EXOC3L4: variants seen among roughly 807,000 people sequenced by gnomAD.
EXOC3L4 encodes exocyst complex component 3-like protein 4.
A neutral mutation model predicts 69.7 loss-of-function variants in EXOC3L4; 62 were observed. That is an observed-to-expected ratio of 0.89 (90% CI 0.72 to 1.10). EXOC3L4 has a LOEUF of 1.10. EXOC3L4 is among the 50% of genes least tolerant of loss of function. The pLI, the probability that EXOC3L4 is intolerant of heterozygous loss-of-function variation, is 0.00. For synonymous variants in EXOC3L4, 502 were observed against 464.2 expected, an observed-to-expected ratio of 1.08 and a Z score of -1.05; for missense variants, 1,087 against 1,034.8, an observed-to-expected ratio of 1.05 and a Z score of -0.69.
At chr14:103,099,498 G>A (rs992858538) in intron 1 of EXOC3L4, among the ~76,000 whole-genome samples, 2 of 152,218 alleles carry the variant, frequency 1.3e-5, no homozygotes, top group African/African-American at 4.8e-5. Context: ...ACAGCATTGA[G>A]AACCCCCCCA....
rs1398373745 is a variant in EXOC3L4, at chr14:103,102,655, TC to T, written c.933del (p.Tyr312IlefsTer123). On this transcript the variant is annotated frameshift_variant, in exon 3 of 12. Coordinates refer to ENST00000688303, the MANE Select transcript of EXOC3L4 (RefSeq NM_001077594.2). LOFTEE classifies it high-confidence loss of function. ...GCGGCCGGCTTCCCAGCGTGGGAGG[TC>T]TATCTGCGTGCCTTCCACAGCGCCG... ...YAAAGFPAWEVYLRAFHSAVA... is the reference protein window; with the variant it reads ...YAAAGFPAWEXYLRAFHSAVA... The T allele has an allele frequency of 6.7e-7, 1 of 1,497,340 alleles. No individual in the cohort carries two copies. Among genetic ancestry groups the T allele is most frequent in the South Asian group, 1.3e-5 (1 of 79,336 alleles). 92.8% of individuals were successfully genotyped at this position (1,497,340 alleles called of 1,614,324 possible).
rs373962199 is a variant in EXOC3L4, at chr14:103,107,501, C to T, written c.1659C>T (p.Thr553=). The part of the protein sequence containing the change: ...WLHPLMDKVV[T]FAGHLQRVAR... The stretch of plus-strand genomic sequence containing the variant: ...ATCCCCTCATGGACAAGGTGGTGAC[C>T]TTCGCCGGTCATCTCCAGCGTGTGG... The change falls in exon 9 of 12, where the codon ACC becomes ACT. Residue 553 remains threonine (T), a synonymous_variant. Coordinates refer to ENST00000688303, the MANE Select transcript of EXOC3L4 (RefSeq NM_001077594.2). The T allele has an allele frequency of 5.0e-6, 8 of 1,613,766 alleles. No homozygotes were observed. The highest frequency in any genetic ancestry group is 6.8e-6 in the Non-Finnish European group (8 of 1,180,010).
At chr14:103,107,844 T>C (rs1890659430) in intron 10 of EXOC3L4, 61 bp downstream of exon 10, 2 of 1,457,414 alleles carry the variant, frequency 1.4e-6, no homozygotes, top group Non-Finnish European at 1.8e-6. Context: ...TGGCAGTGAC[T>C]AGGGCCTTAG....
chr14:103,102,734 C>G lies in EXOC3L4; in HGVS notation c.1011C>G (p.Leu337=), dbSNP rs1443295959. ...LARDARGCEQ[L]YILLDWAANV... ...GCGACGCCCGCGGCTGCGAGCAGCT[C>G]TATATCCTGCTGGACTGGGCCGCCA... Residue 337 remains leucine, a synonymous_variant, in exon 3 of 12, where the codon CTC becomes CTG. Coordinates refer to ENST00000688303, the MANE Select transcript of EXOC3L4 (RefSeq NM_001077594.2). 1.4e-6 allele frequency: 2 copies of G among 1,425,352 alleles called. No homozygotes were observed. Among genetic ancestry groups the G allele is most frequent in the African/African-American group, 1.5e-5 (1 of 66,952 alleles). The allele number at this position is 1,425,352 out of a possible 1,614,324, so 88.3% of individuals were successfully genotyped here. A position where few individuals can be genotyped will look rare whatever the true frequency, so the allele number is the denominator to read the frequency against.
chr14:103,106,819 G>A lies in EXOC3L4; in HGVS notation c.1501G>A (p.Glu501Lys), dbSNP rs917056606. 17 of 1,594,524 alleles carry A rather than the reference G, an allele frequency of 1.1e-5. No individual in the cohort carries two copies. Among genetic ancestry groups the A allele is most frequent in the Non-Finnish European group, 1.5e-5 (17 of 1,169,944 alleles). The change falls in exon 8 of 12, where the codon GAG (glutamate) becomes AAG (lysine). Residue 501 changes from glutamate (E) to lysine (K), a missense_variant. Glu to Lys is a moderately conservative substitution (Grantham distance 56, BLOSUM62 1). Transcript: ENST00000688303. The stretch of plus-strand genomic sequence containing the variant: ...TCTCTCCAGGTTCCCAGGAACCCAA[G>A]AGGAGCTGGAGAAGCCCCTGGTGAC... ...SLLSRFPGTQ[E>K]ELEKPLVTAT... is the part of the protein sequence containing the mutation.
chr14:103,100,290 C>T lies in EXOC3L4; in HGVS notation c.71C>T (p.Thr24Ile), dbSNP rs777582890. 1.9e-6 allele frequency: 3 copies of T among 1,580,336 alleles called. No homozygotes were observed. Among genetic ancestry groups the T allele is most frequent in the Admixed American group, 3.7e-5 (2 of 54,642 alleles). ...QSPKEAEEPQTPAQGSRRTSS... is the reference protein window; with the variant it reads ...QSPKEAEEPQIPAQGSRRTSS... ...CCCAAGGAGGCTGAGGAGCCACAGA[C>T]TCCAGCTCAGGGCTCCCGGCGAACA... Residue 24 changes from threonine (T) to isoleucine (I), a missense_variant, in exon 2 of 12, where the codon ACT becomes ATT. Transcript: ENST00000688303.
Position 103,102,549 on chromosome 14 carries a change from G to T in EXOC3L4, c.826G>T (p.Ala276Ser). ...GGAGGCGGAGGGCGCGTCGGGTTTGGCCCAGCTTCTGGCCGAGCTGGGTGG... is the reference window on the plus strand; with the variant it reads ...GGAGGCGGAGGGCGCGTCGGGTTTGTCCCAGCTTCTGGCCGAGCTGGGTGG... ...FGEAEGASGL[A>S]QLLAELGGLV... The change falls in exon 3 of 12, where the codon GCC (alanine) becomes TCC (serine). Residue 276 changes from alanine (A) to serine (S), a missense_variant. Ala to Ser is a moderately conservative substitution (Grantham distance 99, BLOSUM62 1). Transcript: ENST00000688303. 7.0e-7 allele frequency: 1 copy of T among 1,430,526 alleles called. No individual in the cohort carries two copies. Among genetic ancestry groups the T allele is most frequent in the South Asian group, 1.4e-5 (1 of 69,342 alleles). The allele number at this position is 1,430,526 out of a possible 1,614,324, so 88.6% of individuals were successfully genotyped here.
chr14:103,096,954 C>T (rs572581664), intron 1 of EXOC3L4, among the ~76,000 whole-genome samples: 1 of 152,334 alleles, frequency 6.6e-6, no homozygotes, highest in South Asian at 2.1e-4. Context: ...GGGCACAGTA[C>T]AGGCAGTCAC....
In EXOC3L4 at chr14:103,108,344, G is replaced by T. The variant is rs373450066; in HGVS notation, c.1855-52G>T. On this transcript the variant is annotated intron_variant, in intron 10 of 11. Transcript: ENST00000688303. ...TGACCTCGCGCTCTTGCAGGAGTTG[G>T]AGCAGCGGTGGGGAGAGGGCTGTTG... 13 of 1,597,496 alleles carry T rather than the reference G, an allele frequency of 8.1e-6. No individual in the cohort carries two copies. In the African/African-American group the frequency reaches 1.7e-4, roughly 21 times the overall value.
At chr14:103,106,680 C>T in intron 7 of EXOC3L4, 105 bp from the exon 8 acceptor site, 3 of 657,498 alleles carry the variant, frequency 4.6e-6, no homozygotes, top group Non-Finnish European at 5.1e-6. Flanking sequence ...GCCCCACGGG[C>T]TGCCCTTCAC....
rs139660483 is a variant in EXOC3L4, at chr14:103,101,069, AT to A, written c.394+467del. The stretch of plus-strand genomic sequence containing the variant: ...AGGTGCGTGCCAACACACCTGGTTA[AT>A]TTTTTTTTTTGCATTTTTAGTAAGA... On this transcript the variant is annotated intron_variant, in intron 2 of 11. Transcript: ENST00000688303. Among the ~76,000 whole-genome samples the A allele has an allele frequency of 2.5e-4, 37 of 147,604 alleles. 2 individuals are homozygous for A. The highest frequency in any genetic ancestry group is 3.5e-3 in the Middle Eastern group (1 of 284).
rs756324987 is a variant in EXOC3L4 at position 103,110,074 on chromosome 14, C to T, written c.2020C>T (p.Arg674Cys). Residue 674 changes from arginine (R) to cysteine (C), a missense_variant, in exon 12 of 12, where the codon CGC (arginine) becomes TGC (cysteine). Physicochemically the swap from Arg to Cys is radical, Grantham distance 180. Transcript: ENST00000688303. ...CATTCTGGCGCTGCGCCGACTGGGC[C>T]GCCAGCGGAACCAGCATCTCTTGCA... ...LAILALRRLG[R>C]QRNQHLLQHT... 4.2e-5 allele frequency: 68 copies of T among 1,601,150 alleles called. No individual in the cohort carries two copies. Among genetic ancestry groups the T allele is most frequent in the Admixed American group, 8.5e-5 (5 of 58,586 alleles).
chr14:103,104,368 G>A lies in EXOC3L4; in HGVS notation c.1263G>A (p.Pro421=). 5 of 1,583,962 alleles carry A rather than the reference G, an allele frequency of 3.2e-6. No homozygotes were observed. Among genetic ancestry groups the A allele is most frequent in the Non-Finnish European group, 8.6e-7 (1 of 1,166,578 alleles). ...TGCTGCAGGGCCTCTACCAGGCGCC[G>A]CTGTCCATGGACGTCCATATGGTGC... ...PEVLQGLYQA[P]LSMDVHMLVA... is the part of the protein sequence containing the mutation. Residue 421 remains proline (P), a synonymous_variant, in exon 5 of 12, where the codon CCG becomes CCA. Transcript: ENST00000688303.
chr14:103,106,927 C>T lies in EXOC3L4; in HGVS notation c.1581+28C>T, dbSNP rs375701935. On this transcript the variant is annotated intron_variant, in intron 8 of 11. Transcript: ENST00000688303. ...GACTGTGATAGGCCCTCTCTCCCTA[C>T]TTCCCATGCCCAGCAGGCACCCCCT... is the stretch of plus-strand genomic sequence containing the variant. The T allele has an allele frequency of 1.6e-4, 244 of 1,505,212 alleles. 2 individuals carry two copies. Among genetic ancestry groups the T allele is most frequent in the South Asian group, 4.8e-4 (39 of 81,108 alleles). The allele number at this position is 1,505,212 out of a possible 1,614,324, so 93.2% of individuals were successfully genotyped here.
intron 7 of EXOC3L4, among the ~76,000 whole-genome samples, 156 bp from the exon 8 acceptor site, chr14:103,106,629 G>A (rs904165255): frequency 3.3e-5 from 5 of 152,198 alleles, no homozygotes; most frequent in African/African-American, 1.2e-4. Flanking sequence ...CTTCTGTGCT[G>A]TCCCCCACTT....
At chr14:103,095,040 TAGAC>T (rs1279757307) in intron 1 of EXOC3L4, among the ~76,000 whole-genome samples, 200 bp downstream of exon 1, 6 of 151,886 alleles carry the variant, frequency 4.0e-5, no homozygotes, top group Admixed American at 2.0e-4. Flanking sequence ...AAAGCACAGA[TAGAC>T]AGACACAGAA....
At chr14:103,100,085 C>A in intron 1 of EXOC3L4, 119 bp from the exon 2 acceptor site, 3 of 1,142,720 alleles carry the variant, frequency 2.6e-6, no homozygotes, top group Non-Finnish European at 2.4e-6. Flanking sequence ...CTTTTGACAG[C>A]CTGAGGGCTG....
At position 103,102,515 on chromosome 14, in the gene EXOC3L4, G is replaced by C; in HGVS notation, c.792G>C (p.Trp264Cys). The C allele has an allele frequency of 7.2e-7, 1 of 1,389,222 alleles. No homozygotes were observed. The highest frequency in any genetic ancestry group is 9.3e-7 in the Non-Finnish European group (1 of 1,077,176). 86.1% of individuals were successfully genotyped at this position (1,389,222 alleles called of 1,614,324 possible). A position where few individuals can be genotyped will look rare whatever the true frequency, so the allele number is the denominator to read the frequency against. Residue 264 changes from tryptophan (W) to cysteine (C), a missense_variant, in exon 3 of 12, where the codon TGG (tryptophan) becomes TGC (cysteine). Trp to Cys is a radical substitution (Grantham distance 215, BLOSUM62 -2). Transcript: ENST00000688303. ...GCGTGCGGCGGCCGGGCGCGGGGTG[G>C]GCCTTCGGGGAGGCGGAGGGCGCGT... is the stretch of plus-strand genomic sequence containing the variant. Reference protein sequence around the residue: ...QERVRRPGAGWAFGEAEGASG... With the variant: ...QERVRRPGAGCAFGEAEGASG...
chr14:103,108,406 C>A lies in EXOC3L4; in HGVS notation c.1865C>A (p.Ala622Asp). ...GGCTCTGTCTCGCAGGGTTCCGAGGCCACATGGTTGGACCAAGCCATCCAG... is the reference window on the plus strand; with the variant it reads ...GGCTCTGTCTCGCAGGGTTCCGAGGACACATGGTTGGACCAAGCCATCCAG... ...SDTFQGLGSE[A>D]TWLDQAIQCV... Residue 622 changes from alanine to aspartate, a missense_variant, in exon 11 of 12, where the codon GCC (alanine) becomes GAC (aspartate). Coordinates refer to ENST00000688303, the MANE Select transcript of EXOC3L4 (RefSeq NM_001077594.2). 1 of 1,613,558 alleles carries A rather than the reference C, an allele frequency of 6.2e-7. No homozygotes were observed. Among genetic ancestry groups the A allele is most frequent in the Non-Finnish European group, 8.5e-7 (1 of 1,179,672 alleles).
Sources: allele counts gnomAD v4.1 joint callset (sites outside exome capture counted in the v4.1 genomes callset), GRCh38; gene constraint gnomAD v4.1.1; transcripts MANE v1.5; gene names NCBI Gene and HGNC (gene_info 2026-07-23, HGNC 2026-07-21).